ERO1A: variants seen among roughly 807,000 people sequenced by gnomAD.
ERO1A encodes ERO1-like protein alpha.
ERO1A carries 49 observed loss-of-function variants against 76.9 expected under a neutral mutation model. The observed-to-expected ratio is 0.64, with a 90% CI of 0.51 to 0.81. The LOEUF (loss-of-function observed/expected upper bound fraction) is 0.81, where lower values mean the gene tolerates loss of function less well. Among genes scored for constraint, ERO1A ranks in the 30% least tolerant of loss-of-function variants. The pLI, the probability that ERO1A is intolerant of heterozygous loss-of-function variation, is 0.00. For missense variants in ERO1A, 448 were observed against 542.1 expected (o/e 0.83, Z 1.72); for synonymous variants, 174 against 181.2 (o/e 0.96, Z 0.32).
intron 7 of ERO1A, among the ~76,000 whole-genome samples, chr14:52,665,023 T>A (rs1272229471): frequency 6.6e-6 from 1 of 150,542 alleles, no homozygotes; most frequent in Non-Finnish European, 1.5e-5. Flanking sequence ...CCCAGCACTT[T>A]GGGCATGGTG....
chr14:52,644,990 T>A (rs528806594), intron 15 of ERO1A, among the ~76,000 whole-genome samples: 25 of 152,340 alleles, frequency 1.6e-4, no homozygotes, highest in African/African-American at 6.0e-4. Flanking sequence ...ATTTCTTGCA[T>A]GATAGGCCAG....
chr14:52,686,810 G>C (rs1488548688), intron 1 of ERO1A, among the ~76,000 whole-genome samples: 3 of 151,922 alleles, frequency 2.0e-5, no homozygotes. Flanking sequence ...GGGAGGCAGA[G>C]ATTGCAGTGA....
At chr14:52,678,036 C>T (rs568249769) in intron 4 of ERO1A, among the ~76,000 whole-genome samples, 11 of 152,084 alleles carry the variant, frequency 7.2e-5, no homozygotes, top group Non-Finnish European at 1.3e-4. Flanking sequence ...GAGGCCAAGA[C>T]GGGCGGATCA....
intron 6 of ERO1A, 115 bp downstream of exon 6, chr14:52,671,515 C>T: frequency 1.6e-6 from 1 of 638,328 alleles, no homozygotes; most frequent in Non-Finnish European, 2.6e-6. Context: ...CTGCCTCAGC[C>T]TCCAGATAAG....
intron 11 of ERO1A, among the ~76,000 whole-genome samples, chr14:52,656,250 G>A (rs1304126733): frequency 6.6e-6 from 1 of 151,902 alleles, no homozygotes; most frequent in Non-Finnish European, 1.5e-5. Context: ...AATAATCTTT[G>A]TGTCTGGCTC....
intron 6 of ERO1A, among the ~76,000 whole-genome samples, chr14:52,670,988 C>A (rs1346624583): frequency 1.3e-5 from 2 of 152,136 alleles, no homozygotes; most frequent in Non-Finnish European, 2.9e-5. Flanking sequence ...ACTCTGTAAC[C>A]TTTTAGCAAT....
At chr14:52,658,048 G>A in intron 10 of ERO1A, 39 bp from the exon 11 acceptor site, 2 of 1,520,656 alleles carry the variant, frequency 1.3e-6, no homozygotes, top group Non-Finnish European at 1.8e-6. Context: ...AATTTCATAT[G>A]TGAATCTTGT....
intron 1 of ERO1A, among the ~76,000 whole-genome samples, chr14:52,689,237 A>G (rs1284025326): frequency 2.0e-5 from 3 of 152,250 alleles, no homozygotes; most frequent in African/African-American, 7.2e-5. Context: ...TACAGGCATG[A>G]GCCACTGCGC....
intron 6 of ERO1A, among the ~76,000 whole-genome samples, chr14:52,666,797 G>A (rs1594827053): frequency 6.6e-6 from 1 of 152,148 alleles, no homozygotes; most frequent in Non-Finnish European, 1.5e-5. Flanking sequence ...CGGGCGTGGT[G>A]GTGCACGCCT....
chr14:52,666,309 G>C (rs2040408610), intron 7 of ERO1A, 66 bp downstream of exon 7: 1 of 1,146,740 alleles, frequency 8.7e-7, no homozygotes, highest in African/African-American at 1.6e-5. Flanking sequence ...AAATCATTAT[G>C]ATTTTGTTTA....
intron 4 of ERO1A, 181 bp from the exon 5 acceptor site, chr14:52,672,052 C>T (rs920623578): frequency 2.0e-6 from 1 of 493,172 alleles, no homozygotes; most frequent in East Asian, 3.6e-5. Flanking sequence ...CGCCTATAAT[C>T]CCGGCACTGT....
intron 7 of ERO1A, 103 bp from the exon 8 acceptor site, chr14:52,663,950 T>C (rs2040317662): frequency 1.6e-6 from 1 of 630,860 alleles, no homozygotes; most frequent in Non-Finnish European, 2.7e-6. Flanking sequence ...CAAAATCAAA[T>C]TGTTTTATTG....
In ERO1A at chr14:52,659,428, G is replaced by A. The variant is rs78387897; in HGVS notation, c.689-1278C>T. On this transcript the variant is annotated intron_variant, in intron 9 of 15. Coordinates refer to ENST00000395686, the MANE Select transcript of ERO1A (RefSeq NM_014584.3). ...AATATCAAAATGTTAGCAGAGAAGC[G>A]TATCTGGTAGTAACTAAGGGTATGG... 1.8e-3 allele frequency among the ~76,000 whole-genome samples: 280 copies of A among 152,188 alleles called. 1 individual carries two copies. Among genetic ancestry groups the A allele is most frequent in the African/African-American group, 6.4e-3 (264 of 41,532 alleles).
At chr14:52,692,798 T>C (rs987716398) in intron 1 of ERO1A, among the ~76,000 whole-genome samples, 2 of 151,952 alleles carry the variant, frequency 1.3e-5, no homozygotes, top group Non-Finnish European at 2.9e-5. Context: ...ATCTCCCCTT[T>C]TCTTTCTCCA....
At chr14:52,666,588 C>T (rs1327693472) in intron 6 of ERO1A, 93 bp from the exon 7 acceptor site, 2 of 1,133,468 alleles carry the variant, frequency 1.8e-6, no homozygotes, top group Non-Finnish European at 1.2e-6. Context: ...TCTAACGCAC[C>T]ACAAATATAA....
Position 52,672,674 on chromosome 14 carries a change from G to C in ERO1A, c.358-803C>G, listed in dbSNP as rs547445876. On this transcript the variant is annotated intron_variant, in intron 4 of 15. Transcript: ENST00000395686. Reference sequence around the variant, plus strand: ...AATACTAGCTACTCAGGAAGTTGAGGTGGCAGGATTGCTTGAGCCCAGGAG... The same window carrying C: ...AATACTAGCTACTCAGGAAGTTGAGCTGGCAGGATTGCTTGAGCCCAGGAG... Among the ~76,000 whole-genome samples, 12 of 151,176 alleles carry C rather than the reference G, an allele frequency of 7.9e-5. 1 individual carries two copies. The South Asian group carries it at 2.5e-3, about 31-fold the overall frequency.
At chr14:52,662,152 T>C (rs2040253532) in intron 8 of ERO1A, among the ~76,000 whole-genome samples, 1 of 152,198 alleles carries the variant, frequency 6.6e-6, no homozygotes, top group African/African-American at 2.4e-5. Flanking sequence ...CCATAAGTCA[T>C]TTAACCAGTT....
At chr14:52,672,776 C>CAAAAAAAAAAAAAAAA (rs1226719026) in intron 4 of ERO1A, among the ~76,000 whole-genome samples, 2 of 61,090 alleles carry the variant, frequency 3.3e-5, no homozygotes, top group Non-Finnish European at 3.5e-5. Flanking sequence ...TGTCTCTGAC[C>CAAAAAAAAAAAAAAAA]AAAAAAAAAA....
At chr14:52,681,063 T>C (rs1422287621) in intron 3 of ERO1A, among the ~76,000 whole-genome samples, 1 of 152,180 alleles carries the variant, frequency 6.6e-6, no homozygotes, top group South Asian at 2.1e-4. Context: ...GTACAGCCAC[T>C]GTTGAAGACA....
Sources: gnomAD v4.1 joint callset for allele counts (sites outside exome capture counted in the v4.1 genomes callset) on GRCh38, gnomAD v4.1.1 for gene constraint, MANE v1.5 for transcripts, NCBI Gene and HGNC (gene_info 2026-07-23, HGNC 2026-07-21) for gene names.